Variants in CPA6 observed in about 807,000 individuals in gnomAD.
The protein encoded by CPA6 is carboxypeptidase B.
A neutral mutation model predicts 63.3 loss-of-function variants in CPA6; 58 were observed. The observed-to-expected ratio is 0.92, with a 90% CI of 0.74 to 1.14. The LOEUF is 1.14. CPA6 is among the 50% of genes most tolerant of loss of function. The pLI is 0.00. For synonymous variants in CPA6, 185 were observed against 179.0 expected, an observed-to-expected ratio of 1.03 and a Z score of -0.27; for missense variants, 565 against 526.6, an observed-to-expected ratio of 1.07 and a Z score of -0.71.
At chr8:67,737,298 C>T (rs1490286211) in intron 1 of CPA6, among the ~76,000 whole-genome samples, 1 of 152,204 alleles carries the variant, frequency 6.6e-6, no homozygotes, top group Non-Finnish European at 1.5e-5. Flanking sequence ...TAGTTCTTTG[C>T]ACCAATATAT....
chr8:67,729,873 C>G (rs1817673916), intron 1 of CPA6, among the ~76,000 whole-genome samples: 1 of 152,202 alleles, frequency 6.6e-6, no homozygotes. Context: ...AAGAAAGTTA[C>G]AGGGCTTAGG....
chr8:67,668,483 T>C (rs975604442), intron 1 of CPA6, among the ~76,000 whole-genome samples: 3 of 152,246 alleles, frequency 2.0e-5, no homozygotes, highest in African/African-American at 4.8e-5. Context: ...GTTAGAATTA[T>C]TTATAAAGGC....
intron 2 of CPA6, among the ~76,000 whole-genome samples, chr8:67,542,235 C>T (rs1237553190): frequency 2.0e-5 from 3 of 152,204 alleles, no homozygotes; most frequent in African/African-American, 7.2e-5. Flanking sequence ...TTATGAAAGT[C>T]CTCTGCATTT....
At chr8:67,529,464 T>C (rs145671999) in intron 2 of CPA6, among the ~76,000 whole-genome samples, 2 of 152,222 alleles carry the variant, frequency 1.3e-5, no homozygotes, top group East Asian at 3.9e-4. Context: ...TAAGAAAATA[T>C]AGAGACAATA....
In CPA6 at chr8:67,480,313, A is replaced by G. The variant is rs76199621; in HGVS notation, c.838+3455T>C. On this transcript the variant is annotated intron_variant, in intron 8 of 10. Coordinates refer to ENST00000297770, the MANE Select transcript of CPA6 (RefSeq NM_020361.5). ...TTCTAGAATGTTTTCATCACCCCCA[A>G]AAGAAACCCCTTACCCCTCAAAAGT... 7.8e-3 allele frequency among the ~76,000 whole-genome samples: 1,189 copies of G among 152,054 alleles called. 14 individuals are homozygous for G. Among genetic ancestry groups the G allele is most frequent in the African/African-American group, 0.027 (1,129 of 41,462 alleles).
chr8:67,438,420 T>C (rs915329232), intron 8 of CPA6, among the ~76,000 whole-genome samples: 3 of 152,218 alleles, frequency 2.0e-5, no homozygotes, highest in African/African-American at 7.2e-5. Context: ...ATGAGTACTA[T>C]ATCCAATGTT....
intron 2 of CPA6, among the ~76,000 whole-genome samples, chr8:67,592,257 A>C (rs1814150313): frequency 1.3e-5 from 2 of 152,196 alleles, no homozygotes; most frequent in Admixed American, 1.3e-4. Context: ...ATGGTGGATA[A>C]GCTTTTTGAT....
chr8:67,560,926 G>A (rs1813195264), intron 2 of CPA6, among the ~76,000 whole-genome samples: 1 of 152,028 alleles, frequency 6.6e-6, no homozygotes. Flanking sequence ...ATTATCATTT[G>A]GAGAGTAAAT....
chr8:67,509,401 T>C lies in CPA6; in HGVS notation c.534+116A>G, dbSNP rs944504147. 7.7e-6 allele frequency: 4 copies of C among 519,720 alleles called. No individual in the cohort carries two copies. The African/African-American group carries it at 8.0e-5, about 10-fold the overall frequency. 32.2% of individuals were successfully genotyped at this position (519,720 alleles called of 1,614,324 possible). A position where few individuals can be genotyped will look rare whatever the true frequency, so the allele number is the denominator to read the frequency against. On this transcript the variant is annotated intron_variant, in intron 5 of 10. Coordinates refer to ENST00000297770, the MANE Select transcript of CPA6 (RefSeq NM_020361.5). ...AAGTATTTCTGAGATTATCAGATGA[T>C]GTTAAATATGAGACTCTATAAAAGA...
chr8:67,644,317 A>C (rs890725430), intron 1 of CPA6, among the ~76,000 whole-genome samples: 5 of 152,024 alleles, frequency 3.3e-5, no homozygotes, highest in Non-Finnish European at 5.9e-5. Context: ...ACGGCGTTTC[A>C]CCATGTTAGC....
Position 67,655,594 on chromosome 8 carries a change from A to G in CPA6, c.117-31343T>C, listed in dbSNP as rs536479326. On this transcript the variant is annotated intron_variant, in intron 1 of 10. Transcript: ENST00000297770. Reference sequence around the variant, plus strand: ...ATTCTTTGGTCCTGCATTAATCAGTATCTGTGGAAAAAGCAAACCCTCCTC... The same window carrying G: ...ATTCTTTGGTCCTGCATTAATCAGTGTCTGTGGAAAAAGCAAACCCTCCTC... 1.6e-4 allele frequency among the ~76,000 whole-genome samples: 25 copies of G among 152,284 alleles called. No homozygotes were observed. The Middle Eastern group carries it at 0.01, about 62-fold the overall frequency.
chr8:67,423,555 C>G (rs538924254), intron 10 of CPA6, among the ~76,000 whole-genome samples: 1 of 152,208 alleles, frequency 6.6e-6, no homozygotes, highest in Admixed American at 6.5e-5. Context: ...TCCAGACCCT[C>G]AACATGCCTC....
intron 6 of CPA6, among the ~76,000 whole-genome samples, chr8:67,501,993 C>A (rs1237314681): frequency 6.6e-6 from 1 of 152,180 alleles, no homozygotes; most frequent in Admixed American, 6.5e-5. Context: ...CTAATTGGTT[C>A]ATTTTGTCTA....
At chr8:67,617,838 C>G (rs1814992118) in intron 2 of CPA6, among the ~76,000 whole-genome samples, 1 of 152,168 alleles carries the variant, frequency 6.6e-6, no homozygotes, top group African/African-American at 2.4e-5. Flanking sequence ...GACTGAGGCC[C>G]CCATTTTCCT....
chr8:67,688,016 A>T (rs1231325803), intron 1 of CPA6, among the ~76,000 whole-genome samples: 1 of 152,112 alleles, frequency 6.6e-6, no homozygotes, highest in East Asian at 1.9e-4. Flanking sequence ...TCCCTACAAA[A>T]AATATAAAAG....
chr8:67,441,628 T>A (rs1008323806), intron 8 of CPA6, among the ~76,000 whole-genome samples: 1 of 152,098 alleles, frequency 6.6e-6, no homozygotes, highest in Non-Finnish European at 1.5e-5. Context: ...AAGTCAGAAA[T>A]AAACTAGTAG....
At position 67,746,123 on chromosome 8, in the gene CPA6, A is replaced by G. The variant is rs1405291237; in HGVS notation, c.7T>C (p.Cys3Arg). The change falls in exon 1 of 11, where the codon TGT becomes CGT. Residue 3 changes from cysteine to arginine, a missense_variant. Physicochemically the swap from Cys to Arg is radical, Grantham distance 180. Transcript: ENST00000297770. Reference protein sequence around the residue: MKCLGKRRGQAAA... With the variant: MKRLGKRRGQAAA... Reference sequence around the variant, plus strand: ...GCCTGGCCCCTGCGCTTCCCGAGACACTTCATAGTGTTAAGAAGAGAGGAG... The same window carrying G: ...GCCTGGCCCCTGCGCTTCCCGAGACGCTTCATAGTGTTAAGAAGAGAGGAG... 6.2e-7 allele frequency: 1 copy of G among 1,612,520 alleles called. No individual in the cohort carries two copies. Among genetic ancestry groups the G allele is most frequent in the South Asian group, 1.1e-5 (1 of 90,908 alleles).
chr8:67,657,714 A>C (rs780433056), intron 1 of CPA6, among the ~76,000 whole-genome samples: 9 of 152,084 alleles, frequency 5.9e-5, no homozygotes, highest in Non-Finnish European at 1.2e-4. Context: ...AGGATAGCTA[A>C]ATGCTTTTCC....
chr8:67,454,037 G>A (rs571968572), intron 8 of CPA6, among the ~76,000 whole-genome samples: 2 of 152,212 alleles, frequency 1.3e-5, no homozygotes, highest in Non-Finnish European at 2.9e-5. Flanking sequence ...TGCAGATTAA[G>A]TATTGATTCA....
Sources: allele counts gnomAD v4.1 joint callset (sites outside exome capture counted in the v4.1 genomes callset), GRCh38; gene constraint gnomAD v4.1.1; transcripts MANE v1.5; gene names NCBI Gene and HGNC (gene_info 2026-07-23, HGNC 2026-07-21).